Variants in NAV3 observed in about 807,000 individuals in gnomAD.
NAV3 encodes the protein pore membrane and/or filament interacting like protein 1.
Under a neutral mutation model 244.7 loss-of-function variants are expected in NAV3, and 87 were observed. That is an observed-to-expected ratio of 0.36 (90% confidence interval 0.30 to 0.42). The LOEUF is 0.42. NAV3 is among the 20% of genes least tolerant of loss of function. NAV3 has a pLI of 1.00. For missense variants in NAV3, 2,663 were observed against 2,893.3 expected, an observed-to-expected ratio of 0.92 and a Z score of 1.83; for synonymous variants, 1,126 against 1,042.2, an observed-to-expected ratio of 1.08 and a Z score of -1.55.
chr12:77,916,627 G>A (rs547811359), intron 1 of NAV3, among the ~76,000 whole-genome samples: 2 of 151,992 alleles, frequency 1.3e-5, no homozygotes, highest in East Asian at 3.9e-4. Context: ...CCTATGAATG[G>A]AATTCTACAT....
At chr12:78,120,045 G>A (rs1955603494) in intron 15 of NAV3, 100 bp downstream of exon 15, 8 of 654,026 alleles carry the variant, frequency 1.2e-5, no homozygotes, top group Admixed American at 4.8e-5. Flanking sequence ...TTTTAAATAT[G>A]TATAAGGTAT....
chr12:77,940,875 T>C (rs1889802191), intron 2 of NAV3, among the ~76,000 whole-genome samples: 1 of 144,904 alleles, frequency 6.9e-6, no homozygotes, highest in Admixed American at 6.9e-5. Flanking sequence ...TTCTCACTCA[T>C]TTTTTTTTTT....
intron 17 of NAV3, among the ~76,000 whole-genome samples, chr12:78,128,279 A>AAC (rs1254758221): frequency 1.3e-5 from 2 of 151,582 alleles, no homozygotes; most frequent in Admixed American, 6.6e-5. Context: ...AAAAAAAAAA[A>AAC]AAACAAAAGC....
chr12:77,594,731 C>T (rs1157369414), intron 2 of NAV3, among the ~76,000 whole-genome samples: 1 of 152,122 alleles, frequency 6.6e-6, no homozygotes, highest in African/African-American at 2.4e-5. Context: ...GGAAACCAAG[C>T]AACATACAGT....
chr12:77,768,244 C>A (rs1424300274), intron 2 of NAV3, among the ~76,000 whole-genome samples: 1 of 152,218 alleles, frequency 6.6e-6, no homozygotes, highest in East Asian at 1.9e-4. Flanking sequence ...ACTCCAGGCC[C>A]TGGACTCCAT....
intron 2 of NAV3, among the ~76,000 whole-genome samples, chr12:77,787,179 T>C (rs1231378610): frequency 6.6e-6 from 1 of 152,138 alleles, no homozygotes; most frequent in Non-Finnish European, 1.5e-5. Flanking sequence ...GTCATTTATA[T>C]AAAAACACTG....
At chr12:77,844,885 T>A (rs1876348912) in intron 1 of NAV3, among the ~76,000 whole-genome samples, 1 of 152,152 alleles carries the variant, frequency 6.6e-6, no homozygotes, top group Non-Finnish European at 1.5e-5. Context: ...ATCTTGCATG[T>A]TTTTACTCAA....
chr12:77,594,297 T>C (rs1297175482), intron 2 of NAV3, among the ~76,000 whole-genome samples: 2 of 152,130 alleles, frequency 1.3e-5, no homozygotes, highest in Non-Finnish European at 2.9e-5. Context: ...CAAATTTTCA[T>C]AGTTATCTAT....
At chr12:77,687,259 A>G (rs1874797345) in intron 2 of NAV3, among the ~76,000 whole-genome samples, 1 of 152,168 alleles carries the variant, frequency 6.6e-6, no homozygotes, top group Admixed American at 6.6e-5. Context: ...GTAGCCTGGC[A>G]CATTTTATTG....
At chr12:77,829,838 A>T (rs1873414856), upstream of NAV3, among the ~76,000 whole-genome samples, 1 of 152,178 alleles carries the variant, frequency 6.6e-6, no homozygotes, top group African/African-American at 2.4e-5. Context: ...AAAGACCTGG[A>T]AACAGTAGGC....
chr12:78,022,468 G>A (rs1382644), intron 9 of NAV3, among the ~76,000 whole-genome samples: 5,720 of 151,916 alleles, frequency 0.038, 338 homozygotes, highest in African/African-American at 0.13. Context: ...ATCTATATTC[G>A]TGAGGAATCA....
chr12:78,100,623 T>C (rs1954490832), intron 12 of NAV3, among the ~76,000 whole-genome samples: 2 of 152,068 alleles, frequency 1.3e-5, no homozygotes, highest in Admixed American at 1.3e-4. Context: ...AAAACATATA[T>C]CTGCTTATGT....
rs553202177 is a variant in NAV3 at position 77,868,844 on chromosome 12, C to T, written c.243+37140C>T. 4.0e-5 allele frequency among the ~76,000 whole-genome samples: 6 copies of T among 150,450 alleles called. No individual in the cohort carries two copies. The East Asian group carries it at 5.9e-4, about 15-fold the overall frequency. ...TAGTACTTTGGGAGGCCAAGGCGAG[C>T]GGATTGCCTGAGCTCAGGAGTTCGA... On this transcript the variant is annotated intron_variant, in intron 1 of 39. Coordinates refer to ENST00000397909, the MANE Select transcript of NAV3 (RefSeq NM_001024383.2).
At chr12:77,916,455 A>G (rs1887156430) in intron 1 of NAV3, among the ~76,000 whole-genome samples, 1 of 152,016 alleles carries the variant, frequency 6.6e-6, no homozygotes, top group Admixed American at 6.6e-5. Flanking sequence ...TCAAGAGAAG[A>G]AAAGATGTGA....
chr12:77,641,736 A>G (rs986277194), intron 2 of NAV3, among the ~76,000 whole-genome samples: 3 of 152,108 alleles, frequency 2.0e-5, no homozygotes, highest in East Asian at 1.9e-4. Context: ...TTCAACACAT[A>G]TATGATCTAT....
intron 12 of NAV3, among the ~76,000 whole-genome samples, chr12:78,113,641 C>T (rs536617576): frequency 1.3e-5 from 2 of 152,276 alleles, no homozygotes; most frequent in African/African-American, 4.8e-5. Context: ...GGGCCCTGGA[C>T]CCAGCCCACA....
At chr12:78,207,134 A>G (rs1009597023) in intron 39 of NAV3, among the ~76,000 whole-genome samples, 4 of 152,144 alleles carry the variant, frequency 2.6e-5, no homozygotes, top group African/African-American at 9.7e-5. Context: ...AAGCCAACAT[A>G]TATTTTCAGT....
chr12:78,129,259 C>A (rs1956060398), intron 18 of NAV3, among the ~76,000 whole-genome samples: 1 of 152,104 alleles, frequency 6.6e-6, no homozygotes, highest in South Asian at 2.1e-4. Flanking sequence ...AAGGCATCTC[C>A]TTATTTATTT....
intron 2 of NAV3, among the ~76,000 whole-genome samples, chr12:77,586,708 CTATT>C (rs1426275367): frequency 1.3e-5 from 2 of 152,160 alleles, no homozygotes; most frequent in African/African-American, 2.4e-5. Context: ...TCACGTGTGG[CTATT>C]TAGATTTAAA....
Sources: allele counts gnomAD v4.1 joint callset (sites outside exome capture counted in the v4.1 genomes callset), GRCh38; gene constraint gnomAD v4.1.1; transcripts MANE v1.5; gene names NCBI Gene and HGNC (gene_info 2026-07-23, HGNC 2026-07-21).